CRX: variants seen among roughly 807,000 people sequenced by gnomAD.
The protein encoded by CRX is cone-rod homeobox protein.
Under a neutral mutation model 13.1 loss-of-function variants are expected in CRX, and 5 were observed. That is an observed-to-expected ratio of 0.38 (90% confidence interval 0.20 to 0.80). The LOEUF (loss-of-function observed/expected upper bound fraction) is 0.80. Among genes scored for constraint, CRX ranks in the 30% least tolerant of loss-of-function variants. The pLI is 0.43. For missense variants in CRX, 351 were observed against 391.8 expected (o/e 0.90, Z 0.88); for synonymous variants, 179 against 171.1 (o/e 1.05, Z -0.36).
chr19:47,834,372 T>C, intron 1 of CRX, 37 bp from the exon 2 acceptor site: 3 of 1,153,770 alleles, frequency 2.6e-6, no homozygotes, highest in Non-Finnish European at 2.6e-6. Context: ...GGTGAGTAAC[T>C]GGTAAGTGAG....
At chr19:47,836,549 G>A (rs112948957) in intron 3 of CRX, among the ~76,000 whole-genome samples, 155 bp downstream of exon 3, 190 of 152,328 alleles carry the variant, frequency 1.2e-3, no homozygotes, top group African/African-American at 3.6e-3. Flanking sequence ...CCCACTGACC[G>A]CCTCATGGCT....
chr19:47,834,326 G>A, intron 1 of CRX, 83 bp from the exon 2 acceptor site: 2 of 800,120 alleles, frequency 2.5e-6, no homozygotes, highest in Non-Finnish European at 4.5e-6. Flanking sequence ...AGGAGAAGGA[G>A]GCAGGATTTG....
At chr19:47,826,792 C>G (rs1240830900) in intron 1 of CRX, among the ~76,000 whole-genome samples, 1 of 152,178 alleles carries the variant, frequency 6.6e-6, no homozygotes, top group Non-Finnish European at 1.5e-5. Context: ...CTTATAGTTT[C>G]CAAGGGACAG....
At chr19:47,828,893 AACAC>A (rs59471457) in intron 1 of CRX, among the ~76,000 whole-genome samples, 20,214 of 133,778 alleles carry the variant, frequency 0.15, 1,724 homozygotes, top group African/African-American at 0.24. Flanking sequence ...TTTTGACAAG[AACAC>A]ACACACACAC....
chr19:47,837,471 G>C (rs940191541), intron 3 of CRX, among the ~76,000 whole-genome samples: 1 of 152,156 alleles, frequency 6.6e-6, no homozygotes, highest in Non-Finnish European at 1.5e-5. Flanking sequence ...CCGGCCGGAT[G>C]GGTGTATTTA....
At chr19:47,827,959 G>C (rs1487395293) in intron 1 of CRX, among the ~76,000 whole-genome samples, 3 of 140,758 alleles carry the variant, frequency 2.1e-5, no homozygotes, top group Non-Finnish European at 3.1e-5. Context: ...TTCGAGACCA[G>C]CCTGGCCAAC....
At chr19:47,832,105 G>GTTTTTGTTTTTTT (rs1555801483) in intron 1 of CRX, among the ~76,000 whole-genome samples, 15 of 91,986 alleles carry the variant, frequency 1.6e-4, no homozygotes, top group Admixed American at 5.1e-4. Flanking sequence ...GCAGCCTTAT[G>GTTTTTGTTTTTTT]TTTTTTTTTT....
At position 47,839,270 on chromosome 19, in the gene CRX, C is replaced by T. The variant is rs1219718883; in HGVS notation, c.253-50C>T. 1.3e-6 allele frequency: 2 copies of T among 1,587,602 alleles called. No individual in the cohort carries two copies. Among genetic ancestry groups the T allele is most frequent in the Non-Finnish European group, 1.7e-6 (2 of 1,167,058 alleles). The stretch of plus-strand genomic sequence containing the variant: ...CATCCCCGGGCACCCTGCGGCTCTC[C>T]TGGGCCTCTTCCCCACTTACCCACC... On this transcript the variant is annotated intron_variant, in intron 3 of 3. Coordinates refer to ENST00000221996, the MANE Select transcript of CRX (RefSeq NM_000554.6). This position sits in a 1 kb window ranked among gnomAD's most constrained non-coding sequence, Gnocchi z 4.6.
intron 1 of CRX, among the ~76,000 whole-genome samples, chr19:47,833,254 T>TG (rs397805019): frequency 2.0e-5 from 3 of 148,892 alleles, no homozygotes; most frequent in East Asian, 2.0e-4. Flanking sequence ...GTCGTTTTTT[T>TG]GTTTGTTTTT....
chr19:47,830,929 G>T (rs193049973), intron 1 of CRX, among the ~76,000 whole-genome samples: 1 of 152,094 alleles, frequency 6.6e-6, no homozygotes, highest in Non-Finnish European at 1.5e-5. Flanking sequence ...AACCTTTGAG[G>T]TTACCTTTTC....
chr19:47,827,952 G>A (rs12980451), intron 1 of CRX, among the ~76,000 whole-genome samples: 25,891 of 139,774 alleles, frequency 0.19, 2,500 homozygotes, highest in Non-Finnish European at 0.22. Flanking sequence ...TCAGGAGTTC[G>A]AGACCAGCCT....
At chr19:47,826,271 C>T (rs761959364) in intron 1 of CRX, among the ~76,000 whole-genome samples, 3 of 152,080 alleles carry the variant, frequency 2.0e-5, no homozygotes, top group Non-Finnish European at 2.9e-5. Context: ...TGTGTGATCC[C>T]GGGTAAGTCA....
chr19:47,831,373 C>T (rs897470012), intron 1 of CRX, among the ~76,000 whole-genome samples: 22 of 151,766 alleles, frequency 1.4e-4, no homozygotes, highest in African/African-American at 5.1e-4. Flanking sequence ...ATAGGGTCCC[C>T]AACCCCCGGT....
intron 1 of CRX, among the ~76,000 whole-genome samples, chr19:47,822,707 G>A (rs1986390651): frequency 6.6e-6 from 1 of 152,192 alleles, no homozygotes; most frequent in South Asian, 2.1e-4. Context: ...TTCAGCCCAG[G>A]CTCTACTTCG....
At chr19:47,824,802 C>T (rs1468410638) in intron 1 of CRX, among the ~76,000 whole-genome samples, 3 of 152,110 alleles carry the variant, frequency 2.0e-5, no homozygotes, top group African/African-American at 7.2e-5. Flanking sequence ...CCAGGTTGAT[C>T]CCCAGGGCAG....
At chr19:47,837,261 G>A (rs915976495) in intron 3 of CRX, among the ~76,000 whole-genome samples, 1 of 152,142 alleles carries the variant, frequency 6.6e-6, no homozygotes, top group Non-Finnish European at 1.5e-5. Flanking sequence ...CCGCCTCCTG[G>A]GTTCAAGTGA....
intron 1 of CRX, among the ~76,000 whole-genome samples, chr19:47,833,182 C>T (rs1266161775): frequency 1.3e-5 from 2 of 151,834 alleles, no homozygotes; most frequent in Non-Finnish European, 2.9e-5. Flanking sequence ...AAGTGATTCT[C>T]CTGCCTTGAC....
rs1968171970 is a variant in CRX at position 47,839,775 on chromosome 19, C to G, written c.708C>G (p.Pro236=). The G allele has an allele frequency of 2.5e-6, 4 of 1,614,000 alleles. No homozygotes were observed. In the South Asian group the frequency reaches 4.4e-5, roughly 18 times the overall value. Residue 236 remains proline, a synonymous_variant, in exon 4 of 4, where the codon CCC becomes CCG. Coordinates refer to ENST00000221996, the MANE Select transcript of CRX (RefSeq NM_000554.6). This position sits in a 1 kb window ranked among gnomAD's most constrained non-coding sequence, Gnocchi z 4.6. ...AGCTAGGGGGCCCGGCTCTTAGCCC[C>G]CTCTCTGGCCCCTCCGTGGGACCTT... ...VPQLGGPALS[P]LSGPSVGPSL...
intron 1 of CRX, among the ~76,000 whole-genome samples, chr19:47,831,003 G>A (rs1302533115): frequency 6.6e-6 from 1 of 151,614 alleles, no homozygotes; most frequent in African/African-American, 2.4e-5. Context: ...TCGAAGTCTA[G>A]ACTCTAATCA....
Sources: gnomAD v4.1 joint callset for allele counts (sites outside exome capture counted in the v4.1 genomes callset) on GRCh38, gnomAD v4.1.1 for gene constraint, Gnocchi (gnomAD v3.1) non-coding constraint, MANE v1.5 for transcripts, NCBI Gene and HGNC (gene_info 2026-07-23, HGNC 2026-07-21) for gene names.